Variants in PEBP4 observed in about 807,000 individuals in gnomAD.
PEBP4 encodes phosphatidylethanolamine-binding protein 4.
PEBP4 carries 22 observed loss-of-function variants against 23.9 expected under a neutral mutation model. That is an observed-to-expected ratio of 0.92 (90% CI 0.66 to 1.31). The LOEUF (loss-of-function observed/expected upper bound fraction) is 1.31, where lower values mean the gene tolerates loss of function less well. PEBP4 is among the 40% of genes most tolerant of loss of function. PEBP4 has a pLI of 0.00. For missense variants in PEBP4, 324 were observed against 281.7 expected (o/e 1.15, Z -1.07); for synonymous variants, 112 against 99.3 (o/e 1.13, Z -0.76).
At chr8:22,745,661 C>T (rs573438378) in intron 4 of PEBP4, 308 of 152,442 alleles carry the variant, frequency 2.0e-3, no homozygotes, top group Non-Finnish European at 3.7e-3. Context: ...CCTGGGACTA[C>T]AGCCATTTGT....
chr8:22,740,574 G>C (rs1804967898), intron 4 of PEBP4, among the ~76,000 whole-genome samples: 1 of 152,148 alleles, frequency 6.6e-6, no homozygotes, highest in Non-Finnish European at 1.5e-5. Context: ...ATTCCCCTGG[G>C]GTCTCTGGGC....
intron 4 of PEBP4, among the ~76,000 whole-genome samples, chr8:22,743,163 C>G (rs992267120): frequency 6.6e-6 from 1 of 152,158 alleles, no homozygotes; most frequent in Non-Finnish European, 1.5e-5. Context: ...CTTGGGCTAC[C>G]TGACCTCCCC....
chr8:22,787,863 T>C (rs958615748), intron 4 of PEBP4, among the ~76,000 whole-genome samples: 3 of 152,166 alleles, frequency 2.0e-5, no homozygotes, highest in Non-Finnish European at 4.4e-5. Flanking sequence ...GGTGAAATGT[T>C]TCAGCTCAGC....
intron 3 of PEBP4, among the ~76,000 whole-genome samples, chr8:22,841,353 G>C (rs1201429875): frequency 2.0e-5 from 3 of 152,254 alleles, no homozygotes; most frequent in African/African-American, 7.2e-5. Context: ...AACTTAGTGG[G>C]AAAGGAAATT....
At chr8:22,833,746 C>T (rs1399054285) in intron 3 of PEBP4, among the ~76,000 whole-genome samples, 1 of 151,802 alleles carries the variant, frequency 6.6e-6, no homozygotes, top group African/African-American at 2.4e-5. Context: ...GCAATGGTCT[C>T]ACCCCTGCCT....
intron 4 of PEBP4, among the ~76,000 whole-genome samples, chr8:22,797,727 C>A (rs537798794): frequency 6.7e-4 from 102 of 152,138 alleles, no homozygotes; most frequent in Non-Finnish European, 1.1e-3. Context: ...TGCTGCTATC[C>A]ATCGCAGGGG....
chr8:22,729,362 T>A (rs1042276131), intron 4 of PEBP4, among the ~76,000 whole-genome samples: 3 of 152,246 alleles, frequency 2.0e-5, no homozygotes, highest in Non-Finnish European at 4.4e-5. Context: ...AGCGGTTGTT[T>A]AAACAAAACA....
intron 4 of PEBP4, among the ~76,000 whole-genome samples, chr8:22,750,085 C>T (rs1437342655): frequency 6.6e-6 from 1 of 152,078 alleles, no homozygotes; most frequent in Non-Finnish European, 1.5e-5. Flanking sequence ...GGATTACAGG[C>T]GTGAGCCACC....
intron 4 of PEBP4, among the ~76,000 whole-genome samples, chr8:22,769,730 CAT>C (rs1277352391): frequency 6.6e-6 from 1 of 152,182 alleles, no homozygotes; most frequent in African/African-American, 2.4e-5. Flanking sequence ...ATGTCGCCAG[CAT>C]ATGTCCCTTC....
chr8:22,881,024 G>C (rs1038054476), intron 3 of PEBP4, among the ~76,000 whole-genome samples: 8 of 152,252 alleles, frequency 5.3e-5, no homozygotes, highest in Non-Finnish European at 1.2e-4. Context: ...AGGCTTCCCA[G>C]ATCCTCTGGA....
chr8:22,937,578 C>T (rs1237303846), intron 1 of PEBP4, among the ~76,000 whole-genome samples: 1 of 151,560 alleles, frequency 6.6e-6, no homozygotes, highest in African/African-American at 2.4e-5. Flanking sequence ...AATAGAAAAA[C>T]CCATCCTAAA....
chr8:22,933,260 C>A (rs995514585), intron 1 of PEBP4, among the ~76,000 whole-genome samples: 6 of 152,170 alleles, frequency 3.9e-5, no homozygotes, highest in Non-Finnish European at 8.8e-5. Context: ...GACCTTCAGA[C>A]ACTGAAGACA....
intron 4 of PEBP4, among the ~76,000 whole-genome samples, chr8:22,737,390 G>T (rs994657129): frequency 1.9e-4 from 28 of 151,202 alleles, no homozygotes; most frequent in African/African-American, 6.1e-4. Flanking sequence ...GAATGTTTAT[G>T]TCGTGGCCAT....
chr8:22,789,606 G>A (rs148617101), intron 4 of PEBP4, among the ~76,000 whole-genome samples: 1,560 of 152,240 alleles, frequency 0.01, 24 homozygotes, highest in South Asian at 0.07. Flanking sequence ...AAAGTACCTG[G>A]GCCCACTGCA....
At chr8:22,786,448 AT>A (rs371644410) in intron 4 of PEBP4, among the ~76,000 whole-genome samples, 2 of 151,532 alleles carry the variant, frequency 1.3e-5, no homozygotes, top group Non-Finnish European at 2.9e-5. Flanking sequence ...ATGTCCGGCA[AT>A]TTTTTTTAGT....
At chr8:22,743,584 C>T (rs896695684) in intron 4 of PEBP4, among the ~76,000 whole-genome samples, 1 of 152,192 alleles carries the variant, frequency 6.6e-6, no homozygotes, top group Non-Finnish European at 1.5e-5. Flanking sequence ...TCCGGAGCTG[C>T]CTTTTCCTCC....
At chr8:22,804,935 C>T (rs1429839311) in intron 4 of PEBP4, among the ~76,000 whole-genome samples, 1 of 152,174 alleles carries the variant, frequency 6.6e-6, no homozygotes, top group African/African-American at 2.4e-5. Context: ...GCTGCCCTGT[C>T]CTCGCAGGGT....
intron 3 of PEBP4, among the ~76,000 whole-genome samples, chr8:22,905,130 A>C (rs1427176577): frequency 6.6e-6 from 1 of 152,232 alleles, no homozygotes. Context: ...TCTTTTAAGA[A>C]AAGAACACAA....
chr8:22,831,334 A>C (rs1339378838), intron 3 of PEBP4, among the ~76,000 whole-genome samples: 2 of 152,198 alleles, frequency 1.3e-5, no homozygotes, highest in African/African-American at 4.8e-5. Flanking sequence ...TGTCTCCCAC[A>C]AGAGTATGAC....
Sources: allele counts gnomAD v4.1 joint callset (sites outside exome capture counted in the v4.1 genomes callset), GRCh38; gene constraint gnomAD v4.1.1; transcripts MANE v1.5; gene names NCBI Gene and HGNC (gene_info 2026-07-23, HGNC 2026-07-21).